WNK3: variants seen among roughly 807,000 people sequenced by gnomAD.
WNK3 encodes serine/threonine-protein kinase WNK3.
In WNK3, 18 loss-of-function variants were observed where a neutral mutation model predicts 116.7. The observed-to-expected ratio is 0.15, with a 90% CI of 0.11 to 0.23. The LOEUF (loss-of-function observed/expected upper bound fraction) is 0.23, where lower values mean the gene tolerates loss of function less well. Ranked by LOEUF, WNK3 falls within the 10% of genes least tolerant of loss-of-function variation. WNK3 has a pLI of 1.00. For missense variants in WNK3, 993 were observed against 1,323.8 expected (o/e 0.75, Z 3.88); for synonymous variants, 404 against 469.4 (o/e 0.86, Z 1.80).
chrX:54,222,483 C>T (rs976966426), intron 22 of WNK3, among the ~76,000 whole-genome samples: 1 of 106,778 alleles, frequency 9.4e-6, no homozygotes, highest in Non-Finnish European at 1.9e-5. Flanking sequence ...AACTTGAGCC[C>T]GGGAGGTTGA....
At chrX:54,298,311 C>T in exon 7 of WNK3, 1 of 1,210,760 alleles carries the variant, frequency 8.3e-7, no homozygotes, top group Non-Finnish European at 1.1e-6. Context: ...TGAATTTGAG[C>T]AATCATCTTC....
At chrX:54,201,902 T>G in intron 23 of WNK3, 89 bp downstream of exon 23, 2 of 761,269 alleles carry the variant, frequency 2.6e-6, no homozygotes. Context: ...TACTACTCTC[T>G]CATAGTGACT....
intron 1 of WNK3, among the ~76,000 whole-genome samples, chrX:54,343,115 T>G (rs1244501082): frequency 1.8e-5 from 2 of 110,468 alleles, no homozygotes; most frequent in Non-Finnish European, 3.8e-5. Flanking sequence ...CCTCCCAAAG[T>G]GCTGGGATTA....
intron 1 of WNK3, among the ~76,000 whole-genome samples, chrX:54,349,676 C>T (rs1358502246): frequency 8.9e-6 from 1 of 111,789 alleles, no homozygotes; most frequent in African/African-American, 3.2e-5. Context: ...ACAACAAGAA[C>T]TTGCCTTACC....
intron 2 of WNK3, among the ~76,000 whole-genome samples, chrX:54,321,984 A>C (rs1183908254): frequency 2.7e-4 from 25 of 92,505 alleles, no homozygotes; most frequent in Admixed American, 8.0e-4. Context: ...ACTCCATCCC[A>C]AAAAAAAAAA....
chrX:54,352,317 A>G (rs944563657), intron 1 of WNK3, among the ~76,000 whole-genome samples: 2 of 111,845 alleles, frequency 1.8e-5, no homozygotes, highest in African/African-American at 6.5e-5. Flanking sequence ...ACCCTCATAC[A>G]TGGCTGATGG....
intron 22 of WNK3, among the ~76,000 whole-genome samples, chrX:54,215,264 C>T (rs1265751376): frequency 9.0e-6 from 1 of 111,270 alleles, no homozygotes; most frequent in African/African-American, 3.3e-5. Flanking sequence ...TGTACTGCCG[C>T]CATCTTGGCT....
chrX:54,357,889 G>C (rs1212675317), exon 1 of WNK3: 1 of 112,227 alleles, frequency 8.9e-6, no homozygotes, highest in African/African-American at 3.2e-5. Context: ...GTGTGCGCTT[G>C]CGCGCGCGAG....
At chrX:54,205,471 G>A (rs909671998) in intron 22 of WNK3, among the ~76,000 whole-genome samples, 10 of 110,917 alleles carry the variant, frequency 9.0e-5, no homozygotes, top group Non-Finnish European at 1.9e-4. Context: ...CCAACAAGTG[G>A]AGGAAAAAAT....
At chrX:54,260,627 T>A (rs1363393778) in intron 10 of WNK3, among the ~76,000 whole-genome samples, 1 of 112,211 alleles carries the variant, frequency 8.9e-6, no homozygotes, top group Non-Finnish European at 1.9e-5. Flanking sequence ...GTCATAATAT[T>A]TCTAAAGGTT....
chrX:54,233,937 C>T (rs1391184782), intron 20 of WNK3, among the ~76,000 whole-genome samples: 1 of 110,361 alleles, frequency 9.1e-6, no homozygotes, highest in African/African-American at 3.3e-5. Context: ...CATGACAGCA[C>T]CACTGCACTC....
chrX:54,207,211 T>G (rs967595193), intron 22 of WNK3, among the ~76,000 whole-genome samples: 10 of 111,540 alleles, frequency 9.0e-5, no homozygotes, highest in Non-Finnish European at 1.7e-4. Context: ...ATTATTTTAT[T>G]TATTATCCTT....
At chrX:54,287,216 G>C (rs981105616) in intron 10 of WNK3, among the ~76,000 whole-genome samples, 2 of 111,700 alleles carry the variant, frequency 1.8e-5, no homozygotes, top group Admixed American at 1.9e-4. Context: ...TCACTCAATA[G>C]TATTATCTCA....
At chrX:54,276,872 C>G (rs782065828) in intron 10 of WNK3, among the ~76,000 whole-genome samples, 1 of 111,238 alleles carries the variant, frequency 9.0e-6, no homozygotes, top group South Asian at 3.9e-4. Flanking sequence ...CCCACTACCA[C>G]GCCCGGCTAA....
intron 5 of WNK3, among the ~76,000 whole-genome samples, chrX:54,306,196 G>A (rs1557168606): frequency 8.9e-6 from 1 of 111,752 alleles, no homozygotes; most frequent in Non-Finnish European, 1.9e-5. Flanking sequence ...CTTGTACGTT[G>A]TTGATGGGAA....
chrX:54,218,598 A>C (rs1266475952), intron 22 of WNK3, among the ~76,000 whole-genome samples: 1 of 110,048 alleles, frequency 9.1e-6, no homozygotes, highest in African/African-American at 3.3e-5. Context: ...AAAAGAAAAG[A>C]AAGAGGCCGG....
chrX:54,337,164 T>G, intron 1 of WNK3, among the ~76,000 whole-genome samples: 1 of 112,066 alleles, frequency 8.9e-6, no homozygotes, highest in Non-Finnish European at 1.9e-5. Flanking sequence ...ACTCCACAAG[T>G]TAGACAAAAG....
chrX:54,231,511 A>G (rs2067898334), intron 21 of WNK3, among the ~76,000 whole-genome samples: 1 of 111,628 alleles, frequency 9.0e-6, no homozygotes, highest in African/African-American at 3.3e-5. Context: ...AGTTGCCTCC[A>G]TTCCTTGGTC....
At chrX:54,339,992 A>C (rs147378135) in intron 1 of WNK3, among the ~76,000 whole-genome samples, 61 of 110,949 alleles carry the variant, frequency 5.5e-4, no homozygotes, top group Non-Finnish European at 9.6e-4. Context: ...TCTACTAAAA[A>C]TACAAAAATT....
Sources: allele counts gnomAD v4.1 joint callset (sites outside exome capture counted in the v4.1 genomes callset), GRCh38; gene constraint gnomAD v4.1.1; transcripts MANE v1.5; gene names NCBI Gene and HGNC (gene_info 2026-07-23, HGNC 2026-07-21).